Variants in MEGF6 observed in about 807,000 individuals in gnomAD.
MEGF6 encodes the protein multiple EGF like domains 6.
MEGF6 carries 184 observed loss-of-function variants against 207.1 expected under a neutral mutation model. The observed-to-expected ratio is 0.89, with a 90% CI of 0.79 to 1.00. The LOEUF is 1.00. Among genes scored for constraint, MEGF6 ranks in the 50% least tolerant of loss-of-function variants. The probability of loss-of-function intolerance (pLI) is 0.00; values close to 1 mark genes in which losing one functional copy is unlikely to be tolerated. For synonymous variants in MEGF6, 1,038 were observed against 910.0 expected, an observed-to-expected ratio of 1.14 and a Z score of -2.53; for missense variants, 2,282 against 2,202.9, an observed-to-expected ratio of 1.04 and a Z score of -0.72.
intron 23 of MEGF6, 99 bp from the exon 24 acceptor site, chr1:3,499,365 G>C: frequency 6.8e-7 from 1 of 1,461,716 alleles, no homozygotes; most frequent in Non-Finnish European, 9.1e-7. Flanking sequence ...GGGTCCCCTC[G>C]GCTGCTATGG....
chr1:3,561,667 T>G (rs1643206685), intron 4 of MEGF6, among the ~76,000 whole-genome samples: 1 of 152,084 alleles, frequency 6.6e-6, no homozygotes, highest in African/African-American at 2.4e-5. Context: ...GCATCCTGGG[T>G]GTGCCCTAGG....
chr1:3,509,929 G>C lies in MEGF6; in HGVS notation c.1298C>G (p.Ser433Cys). 6.4e-7 allele frequency: 1 copy of C among 1,573,840 alleles called. No homozygotes were observed. The highest frequency in any genetic ancestry group is 1.3e-5 in the African/African-American group (1 of 74,592). Residue 433 changes from serine (S) to cysteine (C), a missense_variant, in exon 11 of 37, where the codon TCC (serine) becomes TGC (cysteine). Transcript: ENST00000356575. The stretch of plus-strand genomic sequence containing the variant: ...GCCGGCCTCGCAGGAGCACTGGAAG[G>C]AGCCGGCCAGGTTGGTGCAGTGGTG... ...CEHHCTNLAGSFQCSCEAGYR... is the reference protein window; with the variant it reads ...CEHHCTNLAGCFQCSCEAGYR...
chr1:3,552,944 T>C (rs543920524), intron 4 of MEGF6, among the ~76,000 whole-genome samples: 40 of 151,242 alleles, frequency 2.6e-4, no homozygotes, highest in South Asian at 6.3e-4. Flanking sequence ...CCCCTCAGAG[T>C]TCAGGCTCAG....
chr1:3,523,078 G>C (rs867736440), intron 5 of MEGF6, among the ~76,000 whole-genome samples: 11 of 151,824 alleles, frequency 7.2e-5, no homozygotes, highest in Non-Finnish European at 1.3e-4. Context: ...GTGTGCCGGG[G>C]GGGGGGCCCC....
intron 4 of MEGF6, among the ~76,000 whole-genome samples, chr1:3,528,569 C>G (rs1223481573): frequency 6.6e-6 from 1 of 152,206 alleles, no homozygotes; most frequent in Non-Finnish European, 1.5e-5. Context: ...GGAGGTTATC[C>G]TGGCATATCC....
At chr1:3,515,668 C>T in intron 5 of MEGF6, 141 bp from the exon 6 acceptor site, 1 of 1,008,968 alleles carries the variant, frequency 9.9e-7, no homozygotes, top group Non-Finnish European at 1.4e-6. Flanking sequence ...GCCCCTCCGC[C>T]TTTTCATCTC....
rs1349414846 is a variant in MEGF6 at position 3,601,481 on chromosome 1, CTT to C, written c.266+983_266+984del. ...CTGAACCTCAGCCCTCCTGAGATCT[CTT>C]GTTTTGGGGGCTCAGGATCCCTGAA... On this transcript the variant is annotated intron_variant, in intron 2 of 36. Coordinates refer to ENST00000356575, the MANE Select transcript of MEGF6 (RefSeq NM_001409.4). 3.3e-5 allele frequency among the ~76,000 whole-genome samples: 5 copies of C among 152,170 alleles called. No homozygotes were observed. In the East Asian group the frequency reaches 5.8e-4, roughly 18 times the overall value.
intron 5 of MEGF6, among the ~76,000 whole-genome samples, chr1:3,520,659 T>C (rs901838864): frequency 6.6e-5 from 10 of 152,074 alleles, no homozygotes; most frequent in Admixed American, 6.5e-4. Flanking sequence ...CGGGCAGGGC[T>C]GGGGAACGGG....
chr1:3,554,542 G>A (rs1642980677), intron 4 of MEGF6, among the ~76,000 whole-genome samples: 1 of 152,186 alleles, frequency 6.6e-6, no homozygotes, highest in South Asian at 2.1e-4. Context: ...GTACCAGAGT[G>A]TCACTAACCA....
chr1:3,490,634 G>T, intron 36 of MEGF6, 45 bp from the exon 37 acceptor site: 1 of 1,599,530 alleles, frequency 6.3e-7, no homozygotes, highest in Non-Finnish European at 8.5e-7. Context: ...TGGGGCGGGT[G>T]CTCCCAGAAC....
chr1:3,579,735 G>T, intron 4 of MEGF6, 90 bp downstream of exon 4: 1 of 893,476 alleles, frequency 1.1e-6, no homozygotes. Flanking sequence ...ACACAGCTGT[G>T]CTGGGGACGG....
intron 3 of MEGF6, among the ~76,000 whole-genome samples, chr1:3,586,417 G>A (rs1028542665): frequency 5.3e-5 from 8 of 152,222 alleles, no homozygotes. Context: ...GTGCAAGGCA[G>A]TGCATGAGTG....
At chr1:3,582,138 C>G (rs1008328466) in intron 3 of MEGF6, among the ~76,000 whole-genome samples, 2 of 152,206 alleles carry the variant, frequency 1.3e-5, no homozygotes, top group African/African-American at 2.4e-5. Context: ...CCCGGGGCAG[C>G]CACTGCCCTC....
At position 3,580,204 on chromosome 1, in the gene MEGF6, C is replaced by T. The variant is rs929019528; in HGVS notation, c.377-275G>A. On this transcript the variant is annotated intron_variant, in intron 3 of 36. Transcript: ENST00000356575. ...CACCTAGATGGGGAGGAGCCAAGGG[C>T]ATTTCCTGGGGAAGGTGGGCAGGGA... is the stretch of plus-strand genomic sequence containing the variant. 1.8e-4 allele frequency among the ~76,000 whole-genome samples: 25 copies of T among 137,070 alleles called. 1 individual carries two copies. The highest frequency in any genetic ancestry group is 6.7e-4 in the African/African-American group (25 of 37,594). 89.9% of individuals were successfully genotyped at this position (137,070 alleles called of 152,430 possible). A position where few individuals can be genotyped will look rare whatever the true frequency, so the allele number is the denominator to read the frequency against.
At chr1:3,526,609 G>C (rs1236821076) in intron 4 of MEGF6, among the ~76,000 whole-genome samples, 2 of 152,122 alleles carry the variant, frequency 1.3e-5, no homozygotes, top group African/African-American at 4.8e-5. Flanking sequence ...ATGTTGGCCA[G>C]GCTGGTCTCC....
At chr1:3,616,822 T>C in the MEGF6 span, among the ~76,000 whole-genome samples, 4 of 152,336 alleles carry the variant, frequency 2.6e-5, no homozygotes, top group East Asian at 5.8e-4. Flanking sequence ...CCGGAGCAGA[T>C]GGCCCGGTCA....
At chr1:3,500,529 T>C (rs2100923290) in intron 21 of MEGF6, 104 bp downstream of exon 21, 2 of 1,428,948 alleles carry the variant, frequency 1.4e-6, no homozygotes, top group Non-Finnish European at 1.9e-6. Context: ...TGTGTGTGCG[T>C]GCAGGAGGGA....
chr1:3,579,597 G>A (rs541093389), intron 4 of MEGF6, among the ~76,000 whole-genome samples: 1 of 152,348 alleles, frequency 6.6e-6, no homozygotes. Flanking sequence ...ATGCTTCAGC[G>A]CCACCCACTG....
At position 3,593,304 on chromosome 1, in the gene MEGF6, C is replaced by A. The variant is rs572422441; in HGVS notation, c.376+2034G>T. On this transcript the variant is annotated intron_variant, in intron 3 of 36. Coordinates refer to ENST00000356575, the MANE Select transcript of MEGF6 (RefSeq NM_001409.4). The stretch of plus-strand genomic sequence containing the variant: ...CTGACTCTGAGACAGTTACTGCTGA[C>A]GCAGGTGAACACAGGGGCACACGAG... Among the ~76,000 whole-genome samples the A allele has an allele frequency of 2.4e-4, 36 of 152,232 alleles. No individual in the cohort carries two copies. In the South Asian group the frequency reaches 7.3e-3, roughly 31 times the overall value.
Sources: gnomAD v4.1 joint callset for allele counts (sites outside exome capture counted in the v4.1 genomes callset) on GRCh38, gnomAD v4.1.1 for gene constraint, MANE v1.5 for transcripts, NCBI Gene and HGNC (gene_info 2026-07-23, HGNC 2026-07-21) for gene names.